C3: variants seen among roughly 807,000 people sequenced by gnomAD.
The protein encoded by C3 is complement C3.
A neutral mutation model predicts 207.9 loss-of-function variants in C3; 97 were observed. That is an observed-to-expected ratio of 0.47 (90% CI 0.40 to 0.55). The LOEUF is 0.55. Ranked by LOEUF, C3 falls within the 20% of genes least tolerant of loss-of-function variation. C3 has a pLI of 0.00. For synonymous variants in C3, 848 were observed against 857.6 expected (o/e 0.99, Z 0.20); for missense variants, 1,684 against 2,171.7 (o/e 0.78, Z 4.46).
Position 6,719,210 on chromosome 19 carries a change from C to T in C3, c.267+1G>A. On this transcript the variant is annotated splice_donor_variant, in intron 2 of 40. Transcript: ENST00000245907. LOFTEE classifies it high-confidence loss of function. The surrounding 1 kb of genome is among the most constrained non-coding windows in gnomAD (Gnocchi z 5.4). Reference sequence around the variant, plus strand: ...CGGGTCCTGCGCCAGTCTGCACTCACCGTGAAGGTGACGTTGCCCATGTGG... The same window carrying T: ...CGGGTCCTGCGCCAGTCTGCACTCATCGTGAAGGTGACGTTGCCCATGTGG... 1 of 1,613,738 alleles carries T rather than the reference C, an allele frequency of 6.2e-7. No homozygotes were observed. Among genetic ancestry groups the T allele is most frequent in the Non-Finnish European group, 8.5e-7 (1 of 1,179,790 alleles).
At chr19:6,710,045 G>A (rs1274820756) in intron 13 of C3, among the ~76,000 whole-genome samples, 2 of 147,622 alleles carry the variant, frequency 1.4e-5, no homozygotes, top group Non-Finnish European at 3.0e-5. Context: ...GAGAGAAAGG[G>A]AGAGACAGGG....
Position 6,681,960 on chromosome 19 carries a change from AG to A in C3, c.4330del (p.Leu1444SerfsTer16). 2 of 1,613,840 alleles carry A rather than the reference AG, an allele frequency of 1.2e-6. No individual in the cohort carries two copies. The highest frequency in any genetic ancestry group is 1.7e-6 in the Non-Finnish European group (2 of 1,179,766). Reference protein sequence around the residue: ...LDKAFSDRNTLIIYLDKVSHS... With the variant: ...LDKAFSDRNTXIIYLDKVSHS... ...CCTTACCTTGTCCAGGTAGATGATG[AG>A]GGTGTTCCTATCGGAGAAGGCTTTG... On this transcript the variant is annotated frameshift_variant, in exon 35 of 41. Coordinates refer to ENST00000245907, the MANE Select transcript of C3 (RefSeq NM_000064.4). LOFTEE classifies it high-confidence loss of function.
At chr19:6,678,913 A>C in intron 38 of C3, among the ~76,000 whole-genome samples, 1 of 152,058 alleles carries the variant, frequency 6.6e-6, no homozygotes, top group East Asian at 1.9e-4. Flanking sequence ...GCATACAACC[A>C]CATCTACCTT....
At chr19:6,697,611 C>A (rs77063881) in intron 20 of C3, 41 bp downstream of exon 20, 4 of 1,613,688 alleles carry the variant, frequency 2.5e-6, no homozygotes, top group South Asian at 2.2e-5. Context: ...CTACCTACCC[C>A]CTGGCAGCCT....
Position 6,711,136 on chromosome 19 carries a change from G to A in C3, c.1330C>T (p.Leu444=). 6.2e-7 allele frequency: 1 copy of A among 1,614,100 alleles called. No individual in the cohort carries two copies. The highest frequency in any genetic ancestry group is 8.5e-7 in the Non-Finnish European group (1 of 1,179,988). Residue 444 remains leucine, a synonymous_variant, in exon 12 of 41, where the codon CTG becomes TTG. Transcript: ENST00000245907. ...GAGTTGCCCACGGTGCTGTAGGGCA[G>A]AGCCTGCATGGTCCTGGTAGCCTGC... ...AEQATRTMQA[L]PYSTVGNSNN...
intron 21 of C3, among the ~76,000 whole-genome samples, chr19:6,696,990 T>C (rs941206906): frequency 2.0e-5 from 3 of 148,358 alleles, no homozygotes; most frequent in African/African-American, 5.0e-5. Context: ...TGCAGTGAGC[T>C]GAGATCGCGC....
chr19:6,697,471 G>A lies in C3; in HGVS notation c.2669C>T (p.Pro890Leu), dbSNP rs753876258. 18 of 1,613,946 alleles carry A rather than the reference G, an allele frequency of 1.1e-5. No homozygotes were observed. The highest frequency in any genetic ancestry group is 1.2e-5 in the Non-Finnish European group (14 of 1,179,980). ...ATATGGAACGGACAACGAGGACTTG[G>A]GGGGGATGGTTACGGTCTGCTGGTG... The part of the protein sequence containing the change: ...RRHQQTVTIP[P>L]KSSLSVPYVI... The change falls in exon 21 of 41, where the codon CCC becomes CTC. Residue 890 changes from proline to leucine, a missense_variant. By Grantham distance (98) the Pro-to-Leu change is moderately conservative. Transcript: ENST00000245907.
chr19:6,716,074 C>T (rs1476046345), intron 4 of C3, among the ~76,000 whole-genome samples: 1 of 152,186 alleles, frequency 6.6e-6, no homozygotes, highest in African/African-American at 2.4e-5. Flanking sequence ...CCACATCAAT[C>T]CCTAAATCTA....
chr19:6,686,891 G>A lies in C3; in HGVS notation c.3501C>T (p.Gly1167=). The A allele has an allele frequency of 1.2e-6, 2 of 1,614,186 alleles. No homozygotes were observed. Among genetic ancestry groups the A allele is most frequent in the South Asian group, 1.1e-5 (1 of 91,084 alleles). The stretch of plus-strand genomic sequence containing the variant: ...GGAAGTCTCCTGCTTTAGTGATGCT[G>A]CCTGGCAGGCTCTATGAGAAAGAGG... ...ICEEQVNSLP[G]SITKAGDFLE... The change falls in exon 28 of 41, where the codon GGC becomes GGT. Residue 1167 remains glycine (G), a synonymous_variant. Coordinates refer to ENST00000245907, the MANE Select transcript of C3 (RefSeq NM_000064.4).
At chr19:6,720,116 G>A (rs1968132770) in intron 1 of C3, among the ~76,000 whole-genome samples, 1 of 152,018 alleles carries the variant, frequency 6.6e-6, no homozygotes, top group African/African-American at 2.4e-5. Context: ...ACCAACAGAT[G>A]ACCTCAATTC....
intron 32 of C3, 38 bp downstream of exon 32, chr19:6,684,522 A>G: frequency 6.3e-7 from 1 of 1,576,072 alleles, no homozygotes. Context: ...GAAGAGGGGT[A>G]GGAGGAAGGT....
chr19:6,677,997 G>C lies in C3; in HGVS notation c.4877C>G (p.Thr1626Ser), dbSNP rs1386293935. Residue 1626 changes from threonine (T) to serine (S), a missense_variant, in exon 41 of 41, where the codon ACT (threonine) becomes AGT (serine). By Grantham distance (58) the Thr-to-Ser change is moderately conservative (BLOSUM62 1). Around this residue, in one of 3 missense-constraint regions of C3, gnomAD observed 346 missense variants for 380.1 expected, o/e 0.91. Transcript: ENST00000245907. The part of the protein sequence containing the change: ...PNLSYIIGKD[T>S]WVEHWPEEDE... The stretch of plus-strand genomic sequence containing the variant: ...CTCCTCGGGCCAGTGCTCCACCCAA[G>C]TGTCCTTCCCGATGATGTAGCTGAG... 1 of 1,614,178 alleles carries C rather than the reference G, an allele frequency of 6.2e-7. No homozygotes were observed. The highest frequency in any genetic ancestry group is 1.1e-5 in the South Asian group (1 of 91,082).
Position 6,718,097 on chromosome 19 carries a change from A to C in C3, c.501T>G (p.Ile167Met), listed in dbSNP as rs1330765911. ...TGGGGCCCCCTCTGGCTGGCACCTC[A>C]ATGTTGACCATGACCGTCCGGCCCA... is the stretch of plus-strand genomic sequence containing the variant. ...LPVGRTVMVN[I>M]ENPEGIPVKQ... Residue 167 changes from isoleucine to methionine, a missense_variant, in exon 4 of 41, where the codon ATT becomes ATG. Coordinates refer to ENST00000245907, the MANE Select transcript of C3 (RefSeq NM_000064.4). The C allele has an allele frequency of 6.2e-7, 1 of 1,614,008 alleles. No homozygotes were observed. Among genetic ancestry groups the C allele is most frequent in the Admixed American group, 1.7e-5 (1 of 60,006 alleles).
chr19:6,703,084 G>A (rs1280371130), intron 17 of C3, among the ~76,000 whole-genome samples: 2 of 152,030 alleles, frequency 1.3e-5, no homozygotes, highest in Non-Finnish European at 2.9e-5. Context: ...CTTCCTCAGC[G>A]GTCACACCTT....
intron 13 of C3, among the ~76,000 whole-genome samples, chr19:6,710,321 C>G (rs190870653): frequency 9.2e-5 from 8 of 87,054 alleles, no homozygotes; most frequent in South Asian, 4.2e-4. Flanking sequence ...GGGAAAGAGA[C>G]AGGGAGAGAG....
intron 27 of C3, 33 bp from the exon 28 acceptor site, chr19:6,686,935 G>A: frequency 6.2e-7 from 1 of 1,611,884 alleles, no homozygotes; most frequent in Non-Finnish European, 8.5e-7. Context: ...CTCCGGTCAT[G>A]TGGGCATTGC....
At chr19:6,701,422 A>G (rs1162694786) in intron 19 of C3, among the ~76,000 whole-genome samples, 4 of 152,122 alleles carry the variant, frequency 2.6e-5, no homozygotes, top group African/African-American at 9.7e-5. Context: ...TTCACGAAAA[A>G]TCATGTAAGA....
chr19:6,700,242 A>G (rs1310037772), intron 19 of C3, among the ~76,000 whole-genome samples: 2 of 136,384 alleles, frequency 1.5e-5, no homozygotes, highest in Non-Finnish European at 3.0e-5. Context: ...TGTAATATAC[A>G]ATATATAATA....
intron 35 of C3, 25 bp from the exon 36 acceptor site, chr19:6,680,288 C>T (rs781432068): frequency 1.5e-5 from 19 of 1,302,154 alleles, no homozygotes; most frequent in Non-Finnish European, 2.2e-6. Context: ...GGAGCTTGGT[C>T]AGTGGGGTGA....
Sources: gnomAD v4.1 joint callset for allele counts (sites outside exome capture counted in the v4.1 genomes callset) on GRCh38, gnomAD v4.1.1 for gene constraint, gnomAD v4.1.1 regional missense constraint, Gnocchi (gnomAD v3.1) non-coding constraint, MANE v1.5 for transcripts, NCBI Gene and HGNC (gene_info 2026-07-23, HGNC 2026-07-21) for gene names.